Variants in LEMD1 observed in about 807,000 individuals in gnomAD.
The protein encoded by LEMD1 is LEM domain-containing protein 1.
Under a neutral mutation model 17.4 loss-of-function variants are expected in LEMD1, and 18 were observed. That is an observed-to-expected ratio of 1.04 (90% CI 0.72 to 1.54). The LOEUF is 1.54. Among genes scored for constraint, LEMD1 ranks in the 40% most tolerant of loss-of-function variants. The pLI is 0.00. For missense variants in LEMD1, 195 were observed against 210.4 expected (o/e 0.93, Z 0.45); for synonymous variants, 88 against 77.8 (o/e 1.13, Z -0.69).
chr1:205,394,754 C>T (rs1256931395), intron 4 of LEMD1, among the ~76,000 whole-genome samples: 4 of 151,936 alleles, frequency 2.6e-5, no homozygotes, highest in African/African-American at 7.2e-5. Context: ...CTTGGGAGGC[C>T]GAGACAGGCA....
intron 4 of LEMD1, among the ~76,000 whole-genome samples, chr1:205,415,374 T>C (rs1409416802): frequency 6.7e-6 from 1 of 149,774 alleles, no homozygotes; most frequent in Non-Finnish European, 1.5e-5. Flanking sequence ...AAAGAGGGGG[T>C]GAGGGAATCA....
intron 1 of LEMD1, among the ~76,000 whole-genome samples, chr1:205,430,794 C>T (rs1339586456): frequency 1.3e-5 from 2 of 152,248 alleles, no homozygotes; most frequent in Non-Finnish European, 2.9e-5. Context: ...GCCCTCCCTC[C>T]GCAGTGGGGC....
intron 1 of LEMD1, among the ~76,000 whole-genome samples, chr1:205,438,876 C>A (rs1209740471): frequency 4.6e-5 from 7 of 152,210 alleles, no homozygotes; most frequent in African/African-American, 1.7e-4. Flanking sequence ...CAGCTGCAAT[C>A]CCTGCCAAGG....
chr1:205,390,968 C>T (rs1176417436), intron 4 of LEMD1, among the ~76,000 whole-genome samples: 1 of 151,910 alleles, frequency 6.6e-6, no homozygotes, highest in African/African-American at 2.4e-5. Context: ...TGTTTACTAC[C>T]TGGGCGATGC....
At chr1:205,393,356 T>C (rs1270786309) in intron 4 of LEMD1, among the ~76,000 whole-genome samples, 1 of 140,062 alleles carries the variant, frequency 7.1e-6, no homozygotes, top group Non-Finnish European at 1.5e-5. Flanking sequence ...AGATACCACT[T>C]TATACCCAGT....
upstream of LEMD1, among the ~76,000 whole-genome samples, chr1:205,426,154 C>G (rs1443478661): frequency 6.6e-6 from 1 of 152,186 alleles, no homozygotes; most frequent in Admixed American, 6.5e-5. Context: ...CTGCTTAAAA[C>G]CTAAACGGTC....
At chr1:205,393,284 AATG>A (rs1376125238) in intron 4 of LEMD1, among the ~76,000 whole-genome samples, 1 of 152,082 alleles carries the variant, frequency 6.6e-6, no homozygotes, top group African/African-American at 2.4e-5. Context: ...ATCTTGATAT[AATG>A]ATGTCATAAG....
intron 4 of LEMD1, among the ~76,000 whole-genome samples, chr1:205,400,843 T>TCCCCCCCCCCCCCCC (rs58251224): frequency 1.1e-4 from 9 of 79,682 alleles, no homozygotes; most frequent in Non-Finnish European, 1.3e-4. Flanking sequence ...ATGCTATCCC[T>TCCCCCCCCCCCCCCC]CCCCCCCCCC....
intron 4 of LEMD1, among the ~76,000 whole-genome samples, chr1:205,390,424 T>G (rs972099278): frequency 6.6e-6 from 1 of 150,916 alleles, no homozygotes; most frequent in Non-Finnish European, 1.5e-5. Context: ...ATAAAAGACA[T>G]GTTCAAAAAC....
intron 4 of LEMD1, among the ~76,000 whole-genome samples, chr1:205,395,010 A>T (rs373116151): frequency 2.6e-5 from 4 of 151,968 alleles, no homozygotes; most frequent in African/African-American, 9.6e-5. Context: ...AGTTAATTTT[A>T]TATTGTGTAA....
chr1:205,411,224 AAGGAGG>A (rs1273949849), intron 4 of LEMD1, among the ~76,000 whole-genome samples: 2 of 147,996 alleles, frequency 1.4e-5, no homozygotes, highest in Admixed American at 1.3e-4. Context: ...GAAAGGAAGG[AAGGAGG>A]GAGGGAGGGA....
At chr1:205,439,940 G>A (rs78068163) in intron 1 of LEMD1, among the ~76,000 whole-genome samples, 172 of 152,126 alleles carry the variant, frequency 1.1e-3, no homozygotes, top group African/African-American at 3.9e-3. Context: ...TAAGGGCAGA[G>A]GCTGAAGCTG....
intron 1 of LEMD1, among the ~76,000 whole-genome samples, chr1:205,439,852 GAGGA>G (rs1242240086): frequency 6.6e-6 from 1 of 151,978 alleles, no homozygotes; most frequent in Non-Finnish European, 1.5e-5. Flanking sequence ...TGAAGGGAGA[GAGGA>G]AGGAAGGAAG....
intron 4 of LEMD1, among the ~76,000 whole-genome samples, chr1:205,410,966 A>G (rs1665365595): frequency 6.6e-6 from 1 of 150,868 alleles, no homozygotes; most frequent in Non-Finnish European, 1.5e-5. Flanking sequence ...ATAGAGAAAG[A>G]AAGAAGGAAA....
intron 1 of LEMD1, chr1:205,436,195 C>T (rs897277247): frequency 1.3e-5 from 2 of 152,170 alleles, no homozygotes; most frequent in Non-Finnish European, 2.9e-5. Flanking sequence ...AGAGACAGAC[C>T]AGCAGCCCAC....
intron 1 of LEMD1, among the ~76,000 whole-genome samples, chr1:205,443,387 C>T (rs1666329723): frequency 1.4e-5 from 1 of 71,744 alleles, no homozygotes; most frequent in South Asian, 1.0e-3. Context: ...CGTTCCTCCC[C>T]AGGGTCCTTT....
At chr1:205,415,733 C>T (rs987753959) in intron 4 of LEMD1, among the ~76,000 whole-genome samples, 12 of 152,168 alleles carry the variant, frequency 7.9e-5, no homozygotes, top group African/African-American at 1.7e-4. Context: ...CCCAAAATCA[C>T]GCTTCCAGGA....
At chr1:205,387,799 C>A (rs1316056714) in intron 4 of LEMD1, among the ~76,000 whole-genome samples, 2 of 152,180 alleles carry the variant, frequency 1.3e-5, no homozygotes, top group African/African-American at 2.4e-5. Flanking sequence ...CTGGCCACAG[C>A]TGTAGTTAGT....
intron 4 of LEMD1, among the ~76,000 whole-genome samples, chr1:205,401,792 A>G (rs1245805610): frequency 3.3e-5 from 5 of 152,054 alleles, no homozygotes; most frequent in Non-Finnish European, 7.4e-5. Context: ...CTATGTTCTG[A>G]ATGGTAATGC....
Sources: allele counts gnomAD v4.1 joint callset (sites outside exome capture counted in the v4.1 genomes callset), GRCh38; gene constraint gnomAD v4.1.1; transcripts MANE v1.5; gene names NCBI Gene and HGNC (gene_info 2026-07-23, HGNC 2026-07-21).